CCSER1: variants seen among roughly 807,000 people sequenced by gnomAD.
The protein encoded by CCSER1 is serine-rich coiled-coil domain-containing protein 1.
In CCSER1, 41 loss-of-function variants were observed where a neutral mutation model predicts 82.0. That is an observed-to-expected ratio of 0.50 (90% CI 0.39 to 0.65). The LOEUF is 0.65. Among genes scored for constraint, CCSER1 ranks in the 30% least tolerant of loss-of-function variants. The pLI is 0.00. For synonymous variants in CCSER1, 414 were observed against 383.9 expected (o/e 1.08, Z -0.92); for missense variants, 1,119 against 1,064.2 (o/e 1.05, Z -0.72).
intron 10 of CCSER1, among the ~76,000 whole-genome samples, chr4:91,093,993 G>T (rs1047057387): frequency 6.6e-6 from 1 of 152,204 alleles, no homozygotes; most frequent in Admixed American, 6.5e-5. Flanking sequence ...CCCAGGCTGT[G>T]CTTCTCTTTC....
intron 10 of CCSER1, among the ~76,000 whole-genome samples, chr4:91,380,493 G>A (rs552930791): frequency 0.019 from 2,928 of 151,962 alleles, 74 homozygotes; most frequent in African/African-American, 0.066. Flanking sequence ...TCCCTTTACC[G>A]TTATGTAATG....
intron 9 of CCSER1, among the ~76,000 whole-genome samples, chr4:90,931,763 G>A (rs940950337): frequency 2.0e-5 from 3 of 152,128 alleles, no homozygotes; most frequent in African/African-American, 7.2e-5. Context: ...TATGTACCAA[G>A]AGCATTGGTC....
chr4:91,386,453 C>T (rs1269959362), intron 10 of CCSER1, among the ~76,000 whole-genome samples: 1 of 151,958 alleles, frequency 6.6e-6, no homozygotes, highest in Admixed American at 6.6e-5. Flanking sequence ...GAAGAGAGGG[C>T]TTTCCCTTAT....
chr4:91,149,309 G>T (rs1177173902), intron 10 of CCSER1, among the ~76,000 whole-genome samples: 1 of 152,142 alleles, frequency 6.6e-6, no homozygotes, highest in African/African-American at 2.4e-5. Flanking sequence ...CATATCCTTT[G>T]CTCACTTGTT....
intron 10 of CCSER1, among the ~76,000 whole-genome samples, chr4:91,118,117 T>C (rs1581590307): frequency 6.6e-6 from 1 of 152,282 alleles, no homozygotes; most frequent in East Asian, 1.9e-4. Context: ...TATTTTCTTC[T>C]AATCGTTGAT....
intron 1 of CCSER1, among the ~76,000 whole-genome samples, chr4:90,182,874 C>T (rs759682836): frequency 1.3e-5 from 2 of 151,618 alleles, no homozygotes; most frequent in Non-Finnish European, 2.9e-5. Flanking sequence ...AGGGTATTAC[C>T]TTTATTTTTT....
chr4:91,536,197 C>G (rs990306635), intron 10 of CCSER1, among the ~76,000 whole-genome samples: 1 of 152,032 alleles, frequency 6.6e-6, no homozygotes, highest in Admixed American at 6.6e-5. Flanking sequence ...AAATGTATAC[C>G]TACTCATGCA....
At chr4:91,288,936 T>G (rs1743533780) in intron 10 of CCSER1, among the ~76,000 whole-genome samples, 2 of 152,060 alleles carry the variant, frequency 1.3e-5, no homozygotes, top group African/African-American at 4.8e-5. Flanking sequence ...AATGCCTCCC[T>G]TCTTGTTTTA....
chr4:91,551,656 A>AACACAC (rs58159693), intron 10 of CCSER1, among the ~76,000 whole-genome samples: 3,609 of 139,462 alleles, frequency 0.026, 72 homozygotes, highest in Non-Finnish European at 0.032. Context: ...GCAAAAAACA[A>AACACAC]ACACACACAC....
intron 7 of CCSER1, among the ~76,000 whole-genome samples, chr4:90,810,972 A>G (rs1236185535): frequency 1.3e-5 from 2 of 150,886 alleles, no homozygotes. Flanking sequence ...AGCTGGGACT[A>G]CAGGTGCCCA....
At chr4:90,682,711 C>A (rs1734112125) in intron 6 of CCSER1, among the ~76,000 whole-genome samples, 1 of 152,012 alleles carries the variant, frequency 6.6e-6, no homozygotes, top group Non-Finnish European at 1.5e-5. Context: ...ATAATATCTA[C>A]CAAGATCCAT....
intron 10 of CCSER1, among the ~76,000 whole-genome samples, chr4:91,459,929 T>C (rs12649871): frequency 0.8 from 121,853 of 152,042 alleles, 49,017 homozygotes; most frequent in East Asian, 0.93. Flanking sequence ...TTATTTGAGA[T>C]AGCCATTGAC....
intron 10 of CCSER1, among the ~76,000 whole-genome samples, chr4:91,540,736 G>A (rs1242906848): frequency 1.3e-5 from 2 of 152,090 alleles, no homozygotes; most frequent in South Asian, 2.1e-4. Context: ...TGTAAGATCT[G>A]TATCTAAATT....
intron 8 of CCSER1, among the ~76,000 whole-genome samples, chr4:90,906,935 A>ATG (rs1275629508): frequency 6.6e-6 from 1 of 152,118 alleles, no homozygotes; most frequent in Non-Finnish European, 1.5e-5. Flanking sequence ...ATGTATTTGT[A>ATG]TGTGTGCGTG....
intron 5 of CCSER1, among the ~76,000 whole-genome samples, chr4:90,539,454 A>T (rs948027166): frequency 6.6e-6 from 1 of 152,034 alleles, no homozygotes; most frequent in African/African-American, 2.4e-5. Context: ...GTGATAAAAT[A>T]CCCTGTTGTA....
chr4:90,260,807 C>A (rs1265540767), intron 1 of CCSER1, among the ~76,000 whole-genome samples: 4 of 152,226 alleles, frequency 2.6e-5, no homozygotes, highest in Non-Finnish European at 5.9e-5. Flanking sequence ...CCTCCGCCTC[C>A]TGGGTTCAAG....
intron 10 of CCSER1, among the ~76,000 whole-genome samples, chr4:91,087,092 A>G (rs575738735): frequency 2.6e-5 from 4 of 152,218 alleles, no homozygotes; most frequent in Non-Finnish European, 4.4e-5. Flanking sequence ...CTTTGTGAGA[A>G]TGACTGCTTT....
intron 8 of CCSER1, among the ~76,000 whole-genome samples, chr4:90,888,875 G>T (rs1460363145): frequency 6.6e-6 from 1 of 152,036 alleles, no homozygotes; most frequent in Non-Finnish European, 1.5e-5. Flanking sequence ...CCTTTTCAGG[G>T]TCAGTAGATA....
intron 6 of CCSER1, among the ~76,000 whole-genome samples, chr4:90,640,113 A>G (rs1726214600): frequency 6.6e-6 from 1 of 152,150 alleles, no homozygotes. Flanking sequence ...AAGATAAGCA[A>G]TCGATTTGGC....
Sources: allele counts gnomAD v4.1 joint callset (sites outside exome capture counted in the v4.1 genomes callset), GRCh38; gene constraint gnomAD v4.1.1; transcripts MANE v1.5; gene names NCBI Gene and HGNC (gene_info 2026-07-23, HGNC 2026-07-21).